The following SFPQ variants were observed in gnomAD, a reference collection of about 807,000 sequenced individuals.
The protein encoded by SFPQ is splicing factor proline and glutamine rich, also known as splicing factor, proline- and glutamine-rich.
A neutral mutation model predicts 72.9 loss-of-function variants in SFPQ; 11 were observed. The ratio of observed to expected loss-of-function variants is 0.15; its 90% CI spans 0.09 to 0.25. The LOEUF (loss-of-function observed/expected upper bound fraction) is 0.25. Ranked by LOEUF, SFPQ falls within the 10% of genes least tolerant of loss-of-function variation. The probability of loss-of-function intolerance (pLI) is 1.00; values close to 1 mark genes in which losing one functional copy is unlikely to be tolerated. For synonymous variants in SFPQ, 506 were observed against 367.3 expected (o/e 1.38, Z -4.32); for missense variants, 847 against 993.3 (o/e 0.85, Z 1.98).
At chr1:35,189,405 CAT>C in intron 4 of SFPQ, 23 bp from the exon 5 acceptor site, 3 of 1,580,818 alleles carry the variant, frequency 1.9e-6, no homozygotes, top group Non-Finnish European at 2.6e-6. Flanking sequence ...AAAATTTTAA[CAT>C]GAACCGATTT....
chr1:35,180,620 A>C, downstream of SFPQ: 1 of 1,050,660 alleles, frequency 9.5e-7, no homozygotes, highest in Non-Finnish European at 1.1e-6. Flanking sequence ...CATGTTTTTA[A>C]AAATTTTAAA....
chr1:35,187,370 G>A, intron 7 of SFPQ, 119 bp from the exon 8 acceptor site: 5 of 941,214 alleles, frequency 5.3e-6, no homozygotes, highest in South Asian at 1.4e-5. Flanking sequence ...AGTTCATCAT[G>A]TGAATTATTT....
In SFPQ at chr1:35,193,092, C is replaced by A; in HGVS notation, c.-43G>T. ...GGTCGAGGCAAAAGCGAAGAAGACG[C>A]TCAGGAAACGTGGAGGCCACCTTGC... On this transcript the variant is annotated 5_prime_UTR_variant, in exon 1 of 10. Transcript: ENST00000357214. 1 of 1,507,438 alleles carries A rather than the reference C, an allele frequency of 6.6e-7. No homozygotes were observed. The highest frequency in any genetic ancestry group is 8.8e-7 in the Non-Finnish European group (1 of 1,137,946). 93.4% of individuals were successfully genotyped at this position (1,507,438 alleles called of 1,614,324 possible).
At position 35,183,502 on chromosome 1, in the gene SFPQ, C is replaced by A. The variant is rs1372032718; in HGVS notation, c.*954G>T. ...AAAGTGCTGGGATTACAGGCGTGAGCCACCGCGCCCGGCCCAGTTACTAAA... is the reference window on the plus strand; with the variant it reads ...AAAGTGCTGGGATTACAGGCGTGAGACACCGCGCCCGGCCCAGTTACTAAA... On this transcript the variant is annotated 3_prime_UTR_variant, in exon 10 of 10. Coordinates refer to ENST00000357214, the MANE Select transcript of SFPQ (RefSeq NM_005066.3). 2 of 994,638 alleles carry A rather than the reference C, an allele frequency of 2.0e-6. No homozygotes were observed. Among genetic ancestry groups the A allele is most frequent in the Admixed American group, 6.0e-5 (1 of 16,792 alleles). 61.6% of individuals were successfully genotyped at this position (994,638 alleles called of 1,614,324 possible). A position where few individuals can be genotyped will look rare whatever the true frequency, so the allele number is the denominator to read the frequency against.
At chr1:35,188,731 TG>T (rs1304331667) in intron 6 of SFPQ, among the ~76,000 whole-genome samples, 1 of 152,102 alleles carries the variant, frequency 6.6e-6, no homozygotes, top group Non-Finnish European at 1.5e-5. Flanking sequence ...CAGAGACAGG[TG>T]GATCACTTGA....
At chr1:35,180,119 A>G, downstream of SFPQ, 1 of 1,049,288 alleles carries the variant, frequency 9.5e-7, no homozygotes, top group Non-Finnish European at 1.2e-6. Flanking sequence ...GATACACAGA[A>G]GAAAAGTCTC....
At chr1:35,186,462 C>T in intron 9 of SFPQ, among the ~76,000 whole-genome samples, 1 of 152,200 alleles carries the variant, frequency 6.6e-6, no homozygotes, top group East Asian at 1.9e-4. Context: ...GGTATACCTA[C>T]AGACAGGCCC....
At chr1:35,185,245 C>CAGGCACACTACCTTCCG (rs1463160134) in intron 9 of SFPQ, among the ~76,000 whole-genome samples, 1 of 152,250 alleles carries the variant, frequency 6.6e-6, no homozygotes, top group Non-Finnish European at 1.5e-5. Flanking sequence ...CAAATTCTCA[C>CAGGCACACTACCTTCCG]AGGCACACTA....
rs1015678949 is a variant in SFPQ at position 35,184,451 on chromosome 1, C to G, written c.*5G>C. On this transcript the variant is annotated 3_prime_UTR_variant, in exon 10 of 10. Coordinates refer to ENST00000357214, the MANE Select transcript of SFPQ (RefSeq NM_005066.3). ...CAAACTGGAATGAAAGCCTAAATATCACATCTAAAATCGGGGTTTTTTGTT... is the reference window on the plus strand; with the variant it reads ...CAAACTGGAATGAAAGCCTAAATATGACATCTAAAATCGGGGTTTTTTGTT... 1.2e-6 allele frequency: 2 copies of G among 1,603,874 alleles called. No homozygotes were observed. Among genetic ancestry groups the G allele is most frequent in the Admixed American group, 1.7e-5 (1 of 57,282 alleles).
chr1:35,182,461 C>A (rs1430547974), downstream of SFPQ: 5 of 985,014 alleles, frequency 5.1e-6, no homozygotes, highest in Non-Finnish European at 6.0e-6. Flanking sequence ...TCCCTTAGCA[C>A]ACCATGTACC....
In SFPQ at chr1:35,183,833, A is replaced by G; in HGVS notation, c.*623T>C. 9.5e-7 allele frequency: 1 copy of G among 1,055,700 alleles called. No homozygotes were observed. The highest frequency in any genetic ancestry group is 1.1e-6 in the Non-Finnish European group (1 of 873,158). The allele number at this position is 1,055,700 out of a possible 1,614,324, so 65.4% of individuals were successfully genotyped here. ...TACACCCATTCCACAATCTTAATAC[A>G]TATTCCTGAAGATTTACAGTTCAGC... On this transcript the variant is annotated 3_prime_UTR_variant, in exon 10 of 10. Transcript: ENST00000357214.
At chr1:35,191,301 C>T in intron 2 of SFPQ, 40 bp downstream of exon 2, 1 of 1,557,654 alleles carries the variant, frequency 6.4e-7, no homozygotes, top group Non-Finnish European at 8.8e-7. Context: ...AAATCCCCCA[C>T]CCTTTTTAAT....
rs547726973 is a variant in SFPQ, at chr1:35,192,492, AGGCGGC to A, written c.552_557del (p.Pro187_Pro188del). 7.5e-7 allele frequency: 1 copy of A among 1,325,270 alleles called. No individual in the cohort carries two copies. Among genetic ancestry groups the A allele is most frequent in the Admixed American group, 4.2e-5 (1 of 24,012 alleles). The allele number at this position is 1,325,270 out of a possible 1,614,324, so 82.1% of individuals were successfully genotyped here. A position where few individuals can be genotyped will look rare whatever the true frequency, so the allele number is the denominator to read the frequency against. ...CCGGGCCCGGGACTGCCGCGGGCGG[AGGCGGC>A]GGGCCTCCGGCCTGAGGAGGTGTGG... On this transcript the variant is annotated inframe_deletion, in exon 1 of 10. Transcript: ENST00000357214.
At chr1:35,177,406 C>G (rs935514984) in intron 4 of SFPQ, 1 of 152,032 alleles carries the variant, frequency 6.6e-6, no homozygotes, top group African/African-American at 2.4e-5. Flanking sequence ...CCACCTGTAA[C>G]AAAAAATGTT....
intron 6 of SFPQ, among the ~76,000 whole-genome samples, chr1:35,188,660 AG>A (rs1485666133): frequency 6.6e-6 from 1 of 152,176 alleles, no homozygotes; most frequent in Non-Finnish European, 1.5e-5. Flanking sequence ...ATCTCAAAAA[AG>A]GAAGAAAAAA....
chr1:35,192,747 T>G lies in SFPQ; in HGVS notation c.303A>C (p.Pro101=). Residue 101 remains proline, a synonymous_variant, in exon 1 of 10, where the codon CCA becomes CCC. Coordinates refer to ENST00000357214, the MANE Select transcript of SFPQ (RefSeq NM_005066.3). ...PQPHQQQQPP[P]PPQDSSKPVV... ...CGGGCTTGGAAGAGTCCTGCGGCGG[T>G]GGCGGCGGCTGCTGCTGCTGATGCG... 6.7e-7 allele frequency: 1 copy of G among 1,493,864 alleles called. No homozygotes were observed. The allele number at this position is 1,493,864 out of a possible 1,614,324, so 92.5% of individuals were successfully genotyped here.
At chr1:35,191,284 G>T in intron 2 of SFPQ, 57 bp downstream of exon 2, 2 of 1,448,938 alleles carry the variant, frequency 1.4e-6, no homozygotes, top group Non-Finnish European at 9.6e-7. Flanking sequence ...CGTTTGTAGT[G>T]ACAAAAAAAT....
downstream of SFPQ, chr1:35,179,773 T>TAAAAATTG: frequency 3.8e-6 from 4 of 1,054,826 alleles, no homozygotes; most frequent in Middle Eastern, 4.3e-4. Context: ...GTACATTCTC[T>TAAAAATTG]AAAAATTGTT....
chr1:35,183,411 GT>G lies in SFPQ; in HGVS notation c.*1044del, dbSNP rs1266368435. ...TTTTTGTATTTTTAGTAGAGACGGG[GT>G]TTCACCATGTTGGCCAGGCTGGTCT... On this transcript the variant is annotated 3_prime_UTR_variant, in exon 10 of 10. Coordinates refer to ENST00000357214, the MANE Select transcript of SFPQ (RefSeq NM_005066.3). 1 of 327,356 alleles carries G rather than the reference GT, an allele frequency of 3.1e-6. No individual in the cohort carries two copies. Among genetic ancestry groups the G allele is most frequent in the East Asian group, 1.1e-4 (1 of 9,466 alleles). 20.3% of individuals were successfully genotyped at this position (327,356 alleles called of 1,614,324 possible).
Sources: gnomAD v4.1 joint callset for allele counts (sites outside exome capture counted in the v4.1 genomes callset) on GRCh38, gnomAD v4.1.1 for gene constraint, MANE v1.5 for transcripts, NCBI Gene and HGNC (gene_info 2026-07-23, HGNC 2026-07-21) for gene names.